Variants in LRP8 observed in about 807,000 individuals in gnomAD.
LRP8 encodes LDL receptor related protein 8, also known as low-density lipoprotein receptor-related protein 8.
LRP8 carries 46 observed loss-of-function variants against 111.6 expected under a neutral mutation model. That is an observed-to-expected ratio of 0.41 (90% CI 0.33 to 0.53). LRP8 has a LOEUF of 0.53. Ranked by LOEUF, LRP8 falls within the 20% of genes least tolerant of loss-of-function variation. LRP8 has a pLI of 0.20. For missense variants in LRP8, 959 were observed against 1,297.4 expected (o/e 0.74, Z 4.01); for synonymous variants, 464 against 511.2 (o/e 0.91, Z 1.24).
intron 2 of LRP8, among the ~76,000 whole-genome samples, chr1:53,321,708 G>A (rs1654543192): frequency 6.6e-6 from 1 of 151,558 alleles, no homozygotes; most frequent in East Asian, 2.2e-4. Context: ...TGACCTGGGA[G>A]GGCCCAAGGG....
At chr1:53,326,596 G>A (rs570533031) in intron 2 of LRP8, among the ~76,000 whole-genome samples, 1 of 141,638 alleles carries the variant, frequency 7.1e-6, no homozygotes, top group South Asian at 2.2e-4. Context: ...CTCCGGTTCA[G>A]TCTCCCCAGC....
In LRP8 at chr1:53,266,698, G is replaced by A. The variant is rs1300061316; in HGVS notation, c.1253-51C>T. 1 of 1,559,426 alleles carries A rather than the reference G, an allele frequency of 6.4e-7. No individual in the cohort carries two copies. Among genetic ancestry groups the A allele is most frequent in the South Asian group, 1.1e-5 (1 of 89,330 alleles). On this transcript the variant is annotated intron_variant, in intron 8 of 18. Transcript: ENST00000306052. This position sits in a 1 kb window ranked among gnomAD's most constrained non-coding sequence, Gnocchi z 5.0. The stretch of plus-strand genomic sequence containing the variant: ...AAAGAGTCAGTGCAAGAGGCAGGGA[G>A]CCTGGAGACCAAGACTCTGCCACTG...
intron 10 of LRP8, among the ~76,000 whole-genome samples, chr1:53,263,393 C>T (rs1646419598): frequency 6.6e-6 from 1 of 152,216 alleles, no homozygotes; most frequent in East Asian, 1.9e-4. Context: ...TTTTCTTATC[C>T]CTGTTTAACA....
intron 9 of LRP8, among the ~76,000 whole-genome samples, chr1:53,265,634 T>G (rs1438470403): frequency 3.3e-5 from 5 of 152,368 alleles, no homozygotes; most frequent in African/African-American, 1.2e-4. Flanking sequence ...TTTGGGTGTG[T>G]GTGAACGGAG....
At chr1:53,260,357 G>T in intron 13 of LRP8, 107 bp downstream of exon 13, 1 of 944,158 alleles carries the variant, frequency 1.1e-6, no homozygotes, top group Non-Finnish European at 1.6e-6. Flanking sequence ...TATTATTCCT[G>T]GGGTTGCTGA....
chr1:53,321,502 C>T (rs1321489047), intron 2 of LRP8, among the ~76,000 whole-genome samples: 1 of 152,128 alleles, frequency 6.6e-6, no homozygotes, highest in Non-Finnish European at 1.5e-5. Flanking sequence ...CATTTACTTC[C>T]TTCAAGGGCG....
At chr1:53,323,794 T>C (rs1233885758) in intron 2 of LRP8, among the ~76,000 whole-genome samples, 1 of 152,188 alleles carries the variant, frequency 6.6e-6, no homozygotes, top group African/African-American at 2.4e-5. Context: ...TCACTTCACC[T>C]CTCCAAGCCT....
In LRP8 at chr1:53,244,043, A is replaced by G. The variant is rs768725756; in HGVS notation, c.*2975T>C. The G allele has an allele frequency of 6.6e-6, 1 of 152,240 alleles. No individual in the cohort carries two copies. The highest frequency in any genetic ancestry group is 2.4e-5 in the African/African-American group (1 of 41,464). 9.4% of individuals were successfully genotyped at this position (152,240 alleles called of 1,614,324 possible). A position where few individuals can be genotyped will look rare whatever the true frequency, so the allele number is the denominator to read the frequency against. ...GGAGGGATCAATAGGACTTACTGCC[A>G]TACATTTAAATCCGATCTCATTCTC... On this transcript the variant is annotated 3_prime_UTR_variant, in exon 19 of 19. Transcript: ENST00000306052.
intron 2 of LRP8, among the ~76,000 whole-genome samples, chr1:53,300,249 C>T (rs1331286695): frequency 1.3e-5 from 2 of 152,230 alleles, no homozygotes; most frequent in Non-Finnish European, 2.9e-5. Context: ...TTTGCTCACG[C>T]AGCTCCCCCA....
At position 53,250,758 on chromosome 1, in the gene LRP8, T is replaced by C. The variant is rs755382422; in HGVS notation, c.2608A>G (p.Thr870Ala). 1.2e-6 allele frequency: 2 copies of C among 1,614,068 alleles called. No homozygotes were observed. Among genetic ancestry groups the C allele is most frequent in the East Asian group, 4.5e-5 (2 of 44,898 alleles). Residue 870 changes from threonine to alanine, a missense_variant, in exon 17 of 19, where the codon ACA (threonine) becomes GCA (alanine). This residue lies in a region of LRP8 where 819 missense variants were observed against 1,097.6 expected (regional missense o/e 0.75). Transcript: ENST00000306052. The surrounding 1 kb of genome is among the most constrained non-coding windows in gnomAD (Gnocchi z 4.6). ...AGCTCATCTTCGTCTTCTTCTTCTGTTGTTTTCCTGTAGACTGGGTTGTCA... is the reference window on the plus strand; with the variant it reads ...AGCTCATCTTCGTCTTCTTCTTCTGCTGTTTTCCTGTAGACTGGGTTGTCA... The part of the protein sequence containing the change: ...NFDNPVYRKT[T>A]EEEDEDELHI...
intron 12 of LRP8, among the ~76,000 whole-genome samples, chr1:53,261,309 C>T (rs966683413): frequency 2.0e-5 from 3 of 152,226 alleles, no homozygotes; most frequent in South Asian, 4.1e-4. Flanking sequence ...AGCACAAACA[C>T]TTGTGTACCA....
chr1:53,285,802 T>A (rs896198512), intron 3 of LRP8, among the ~76,000 whole-genome samples: 1 of 152,176 alleles, frequency 6.6e-6, no homozygotes, highest in African/African-American at 2.4e-5. Context: ...GGGGACCATA[T>A]GCCTTTGGCC....
Position 53,289,702 on chromosome 1 carries a change from G to A in LRP8, c.245-13C>T. 2 of 1,613,488 alleles carry A rather than the reference G, an allele frequency of 1.2e-6. No homozygotes were observed. The highest frequency in any genetic ancestry group is 1.1e-5 in the South Asian group (1 of 90,980). On this transcript the variant is annotated splice_polypyrimidine_tract_variant and intron_variant, in intron 2 of 18. Coordinates refer to ENST00000306052, the MANE Select transcript of LRP8 (RefSeq NM_004631.5). ...CAGGTCTTCTTGGCTGCAGGGCAAG[G>A]AAGAGAGCGTGGTGAGCCTGGGAGC...
Position 53,262,284 on chromosome 1 carries a change from C to G in LRP8, c.1775-77G>C. Reference sequence around the variant, plus strand: ...TCTGTTCCTTTGTACCTCTCCCTGCCCACATTTCTAGGCCTCACACTGAGG... The same window carrying G: ...TCTGTTCCTTTGTACCTCTCCCTGCGCACATTTCTAGGCCTCACACTGAGG... On this transcript the variant is annotated intron_variant, in intron 11 of 18. Coordinates refer to ENST00000306052, the MANE Select transcript of LRP8 (RefSeq NM_004631.5). The surrounding 1 kb of genome is among the most constrained non-coding windows in gnomAD (Gnocchi z 4.8). The G allele has an allele frequency of 6.3e-7, 1 of 1,587,900 alleles. No individual in the cohort carries two copies. The highest frequency in any genetic ancestry group is 8.6e-7 in the Non-Finnish European group (1 of 1,163,048).
chr1:53,311,239 C>T (rs1652937724), intron 2 of LRP8, among the ~76,000 whole-genome samples: 1 of 152,098 alleles, frequency 6.6e-6, no homozygotes, highest in African/African-American at 2.4e-5. Flanking sequence ...CCATAGTTTA[C>T]AGGGAGGGCC....
At chr1:53,326,278 G>A (rs1210286287) in intron 2 of LRP8, among the ~76,000 whole-genome samples, 2 of 152,220 alleles carry the variant, frequency 1.3e-5, no homozygotes, top group Admixed American at 1.3e-4. Context: ...GGTGTGGCCG[G>A]GGCGGGGCCG....
chr1:53,288,802 C>T (rs561896295), intron 3 of LRP8, among the ~76,000 whole-genome samples: 58 of 152,312 alleles, frequency 3.8e-4, no homozygotes, highest in Admixed American at 3.1e-3. Context: ...GGTCCTTCCC[C>T]GCCCCCTTCT....
chr1:53,306,768 A>C (rs1205214128), intron 2 of LRP8, among the ~76,000 whole-genome samples: 1 of 152,198 alleles, frequency 6.6e-6, no homozygotes, highest in African/African-American at 2.4e-5. Context: ...CTCCTCAGGA[A>C]ACCCTGGGAC....
At chr1:53,283,570 G>A (rs1464296846) in intron 3 of LRP8, among the ~76,000 whole-genome samples, 3 of 101,124 alleles carry the variant, frequency 3.0e-5, no homozygotes, top group South Asian at 3.3e-4. Context: ...CTACATACCC[G>A]GGCCACTTAC....
Sources: allele counts gnomAD v4.1 joint callset (sites outside exome capture counted in the v4.1 genomes callset), GRCh38; gene constraint gnomAD v4.1.1; regional missense constraint gnomAD v4.1.1; non-coding constraint Gnocchi (gnomAD v3.1); transcripts MANE v1.5; gene names NCBI Gene and HGNC (gene_info 2026-07-23, HGNC 2026-07-21).